Variants in TNFSF4 observed in about 807,000 individuals in gnomAD.
The protein encoded by TNFSF4 is TNF superfamily member 4.
A neutral mutation model predicts 7.3 loss-of-function variants in TNFSF4; 4 were observed. The observed-to-expected ratio is 0.55, with a 90% CI of 0.27 to 1.25. TNFSF4 has a LOEUF of 1.25. Ranked by LOEUF, TNFSF4 falls within the 50% of genes most tolerant of loss-of-function variation. The probability of loss-of-function intolerance (pLI) is 0.12; values close to 1 mark genes in which losing one functional copy is unlikely to be tolerated. For synonymous variants in TNFSF4, 76 were observed against 83.7 expected (o/e 0.91, Z 0.50); for missense variants, 181 against 208.8 (o/e 0.87, Z 0.82).
chr1:173,336,745 T>A, the TNFSF4 span, among the ~76,000 whole-genome samples: 1 of 152,118 alleles, frequency 6.6e-6, no homozygotes, highest in African/African-American at 2.4e-5. Context: ...CATTTGCACA[T>A]CAGAGGGTGG....
chr1:173,429,469 A>G, the TNFSF4 span, among the ~76,000 whole-genome samples: 232 of 152,364 alleles, frequency 1.5e-3, 1 homozygote, highest in Non-Finnish European at 2.4e-3. Flanking sequence ...GTGAAGACAG[A>G]GAAGCTGAGA....
the TNFSF4 span, among the ~76,000 whole-genome samples, chr1:173,294,721 A>G: frequency 6.6e-6 from 1 of 152,058 alleles, no homozygotes; most frequent in African/African-American, 2.4e-5. Flanking sequence ...AAATGGGGCA[A>G]ACAATAGAGA....
At chr1:173,374,703 G>A in the TNFSF4 span, among the ~76,000 whole-genome samples, 1 of 152,104 alleles carries the variant, frequency 6.6e-6, no homozygotes, top group Non-Finnish European at 1.5e-5. Flanking sequence ...TCCTTTTACT[G>A]TTTCATCACA....
chr1:173,277,455 G>A, the TNFSF4 span, among the ~76,000 whole-genome samples: 14 of 152,122 alleles, frequency 9.2e-5, no homozygotes, highest in Non-Finnish European at 1.6e-4. Context: ...GGTGTCCTCA[G>A]AACTTCAACG....
At chr1:173,221,650 T>C in the TNFSF4 span, among the ~76,000 whole-genome samples, 3 of 152,226 alleles carry the variant, frequency 2.0e-5, no homozygotes, top group African/African-American at 7.2e-5. Flanking sequence ...AGAGGCAGTT[T>C]GCAAATGAAG....
chr1:173,262,110 T>C, the TNFSF4 span, among the ~76,000 whole-genome samples: 2 of 152,176 alleles, frequency 1.3e-5, no homozygotes, highest in South Asian at 4.2e-4. Context: ...AATCCAGCAG[T>C]ACATCAAAGA....
At chr1:173,370,085 C>T in the TNFSF4 span, among the ~76,000 whole-genome samples, 4 of 152,158 alleles carry the variant, frequency 2.6e-5, no homozygotes, top group South Asian at 6.2e-4. Flanking sequence ...TGGCCCAACC[C>T]GAGTACATAT....
At chr1:173,370,444 A>G in the TNFSF4 span, among the ~76,000 whole-genome samples, 6 of 152,196 alleles carry the variant, frequency 3.9e-5, no homozygotes, top group Non-Finnish European at 8.8e-5. Context: ...ATCTGTTGAC[A>G]TGTGCTCTAG....
At chr1:173,300,906 A>G in the TNFSF4 span, among the ~76,000 whole-genome samples, 1 of 151,518 alleles carries the variant, frequency 6.6e-6, no homozygotes, top group African/African-American at 2.4e-5. Flanking sequence ...TCAGGAAAGT[A>G]GGGATTATAA....
chr1:173,415,860 T>G, the TNFSF4 span, among the ~76,000 whole-genome samples: 1 of 152,240 alleles, frequency 6.6e-6, no homozygotes, highest in Non-Finnish European at 1.5e-5. Flanking sequence ...TCTGTTTTGT[T>G]CATAGTATTT....
chr1:173,341,312 T>C, the TNFSF4 span, among the ~76,000 whole-genome samples: 1 of 152,210 alleles, frequency 6.6e-6, no homozygotes, highest in Non-Finnish European at 1.5e-5. Flanking sequence ...GATCAAATCA[T>C]GAGCCAACGA....
the TNFSF4 span, among the ~76,000 whole-genome samples, chr1:173,419,488 C>G: frequency 2.0e-5 from 3 of 152,206 alleles, no homozygotes; most frequent in Non-Finnish European, 4.4e-5. Context: ...GACTTCCCAG[C>G]CTCCAGAACT....
chr1:173,195,615 G>T (rs988918682), intron 1 of TNFSF4, among the ~76,000 whole-genome samples: 1 of 152,246 alleles, frequency 6.6e-6, no homozygotes, highest in East Asian at 1.9e-4. Context: ...TTTGGAGAGT[G>T]TGTACCTCTA....
chr1:173,405,044 A>G, the TNFSF4 span, among the ~76,000 whole-genome samples: 1 of 152,216 alleles, frequency 6.6e-6, no homozygotes, highest in Non-Finnish European at 1.5e-5. Context: ...CATGCTATAT[A>G]TAATTTACTT....
the TNFSF4 span, among the ~76,000 whole-genome samples, chr1:173,341,856 A>C: frequency 6.6e-6 from 1 of 152,084 alleles, no homozygotes; most frequent in Admixed American, 6.6e-5. Flanking sequence ...TTCCTACCCT[A>C]AAATTCCTGT....
chr1:173,411,942 AC>A, the TNFSF4 span, among the ~76,000 whole-genome samples: 1 of 151,576 alleles, frequency 6.6e-6, no homozygotes, highest in Non-Finnish European at 1.5e-5. Flanking sequence ...ATACGGTGAA[AC>A]CCCGTCTCTA....
At chr1:173,233,991 A>T in the TNFSF4 span, among the ~76,000 whole-genome samples, 1 of 152,304 alleles carries the variant, frequency 6.6e-6, no homozygotes, top group Non-Finnish European at 1.5e-5. Context: ...AAAAGAAACC[A>T]CCATCAGAGT....
chr1:173,435,270 A>T, the TNFSF4 span, among the ~76,000 whole-genome samples: 1 of 152,350 alleles, frequency 6.6e-6, no homozygotes, highest in African/African-American at 2.4e-5. Context: ...GAACAAAAGG[A>T]GCAAATAAGA....
rs141008105 is a variant in TNFSF4 at position 173,186,124 on chromosome 1, CAT to C, written c.*390_*391del. ...CTCTTCATTTTGATAATGCCACACA[CAT>C]GTCAAATTTCCAGCAAATGGTAGTC... On this transcript the variant is annotated 3_prime_UTR_variant, in exon 3 of 3. Coordinates refer to ENST00000281834, the MANE Select transcript of TNFSF4 (RefSeq NM_003326.5). 8,312 of 176,538 alleles carry C rather than the reference CAT, an allele frequency of 0.047. 748 individuals carry two copies. Among genetic ancestry groups the C allele is most frequent in the African/African-American group, 0.19 (7,805 of 41,952 alleles). The allele number at this position is 176,538 out of a possible 1,614,324, so 10.9% of individuals were successfully genotyped here.
Sources: allele counts gnomAD v4.1 joint callset (sites outside exome capture counted in the v4.1 genomes callset), GRCh38; gene constraint gnomAD v4.1.1; transcripts MANE v1.5; gene names NCBI Gene and HGNC (gene_info 2026-07-23, HGNC 2026-07-21).